MIPOL1: variants seen among roughly 807,000 people sequenced by gnomAD.
The protein encoded by MIPOL1 is mirror-image polydactyly 1, also known as mirror-image polydactyly gene 1 protein.
MIPOL1 carries 57 observed loss-of-function variants against 60.9 expected under a neutral mutation model. The ratio of observed to expected loss-of-function variants is 0.94; its 90% CI spans 0.76 to 1.17. The LOEUF is 1.17. Among genes scored for constraint, MIPOL1 ranks in the 50% most tolerant of loss-of-function variants. MIPOL1 has a pLI of 0.00. For missense variants in MIPOL1, 551 were observed against 511.6 expected (o/e 1.08, Z -0.74); for synonymous variants, 179 against 168.8 (o/e 1.06, Z -0.47).
chr14:37,509,713 A>G (rs1478482108), intron 12 of MIPOL1, among the ~76,000 whole-genome samples: 1 of 141,910 alleles, frequency 7.0e-6, no homozygotes, highest in Non-Finnish European at 1.5e-5. Flanking sequence ...ATGTATGTTT[A>G]TGTACGTTTA....
chr14:37,508,112 G>C (rs772435000), intron 12 of MIPOL1, among the ~76,000 whole-genome samples: 1 of 152,034 alleles, frequency 6.6e-6, no homozygotes, highest in Non-Finnish European at 1.5e-5. Flanking sequence ...ATAAGACTTC[G>C]TAAGATGGTA....
chr14:37,365,249 A>G (rs546385158), intron 9 of MIPOL1, among the ~76,000 whole-genome samples: 221 of 152,250 alleles, frequency 1.5e-3, no homozygotes, highest in Middle Eastern at 0.01. Context: ...ACTATGTTGA[A>G]TAACAGTGGT....
chr14:37,363,061 C>G (rs2092335977), intron 9 of MIPOL1, among the ~76,000 whole-genome samples: 2 of 152,118 alleles, frequency 1.3e-5, no homozygotes, highest in African/African-American at 4.8e-5. Flanking sequence ...GAACATGCTT[C>G]TTTAGCTTGG....
At chr14:37,331,440 T>G (rs753493516) in intron 9 of MIPOL1, among the ~76,000 whole-genome samples, 1 of 152,074 alleles carries the variant, frequency 6.6e-6, no homozygotes, top group Non-Finnish European at 1.5e-5. Flanking sequence ...CTCTTCAGTT[T>G]CTTTCATCAG....
chr14:37,318,064 T>G (rs907982420), intron 9 of MIPOL1, among the ~76,000 whole-genome samples: 1 of 152,198 alleles, frequency 6.6e-6, no homozygotes, highest in Admixed American at 6.5e-5. Flanking sequence ...ATTTGGCGTC[T>G]GCATGACCAG....
At chr14:37,199,446 A>T (rs2139039671) in intron 1 of MIPOL1, among the ~76,000 whole-genome samples, 1 of 152,040 alleles carries the variant, frequency 6.6e-6, no homozygotes. Flanking sequence ...TATGTATAGT[A>T]TTTCTAGTTT....
chr14:37,295,159 TA>T (rs2085514564), intron 7 of MIPOL1, among the ~76,000 whole-genome samples: 1 of 152,134 alleles, frequency 6.6e-6, no homozygotes, highest in South Asian at 2.1e-4. Context: ...TCAACATTCT[TA>T]AAGAAAAGAA....
chr14:37,495,017 G>C (rs898201798), intron 11 of MIPOL1, among the ~76,000 whole-genome samples: 1 of 151,746 alleles, frequency 6.6e-6, no homozygotes, highest in Non-Finnish European at 1.5e-5. Flanking sequence ...ACTAGAAAGT[G>C]AGGAGTGATT....
chr14:37,512,791 C>T (rs1246225379), intron 12 of MIPOL1, among the ~76,000 whole-genome samples: 1 of 152,076 alleles, frequency 6.6e-6, no homozygotes, highest in East Asian at 1.9e-4. Flanking sequence ...TTCCTTAACT[C>T]AGCAGAAGGT....
chr14:37,279,920 G>T (rs553105249), intron 6 of MIPOL1, among the ~76,000 whole-genome samples: 3 of 151,994 alleles, frequency 2.0e-5, no homozygotes, highest in Non-Finnish European at 4.4e-5. Flanking sequence ...TGTATTTTTT[G>T]ACCAATATCT....
chr14:37,270,640 CCTT>C, intron 6 of MIPOL1, 115 bp downstream of exon 6: 1 of 258,990 alleles, frequency 3.9e-6, no homozygotes. Flanking sequence ...GGGAAGCTCT[CCTT>C]TTTTTTTTTT....
chr14:37,262,907 A>G (rs958500158), intron 3 of MIPOL1, among the ~76,000 whole-genome samples: 8 of 152,124 alleles, frequency 5.3e-5, no homozygotes, highest in African/African-American at 1.9e-4. Context: ...AGTTGTCACA[A>G]ACTATTTACA....
At chr14:37,476,136 C>T (rs1168489742) in intron 11 of MIPOL1, among the ~76,000 whole-genome samples, 1 of 152,028 alleles carries the variant, frequency 6.6e-6, no homozygotes, top group African/African-American at 2.4e-5. Flanking sequence ...TGGATGTATA[C>T]CTAAGTATTT....
At chr14:37,233,983 A>G (rs954294888) in intron 1 of MIPOL1, among the ~76,000 whole-genome samples, 10 of 152,176 alleles carry the variant, frequency 6.6e-5, no homozygotes, top group African/African-American at 2.4e-4. Flanking sequence ...CTTGGTCTTC[A>G]GGATCATACT....
chr14:37,435,497 G>A (rs980906881), intron 11 of MIPOL1, among the ~76,000 whole-genome samples: 1 of 151,724 alleles, frequency 6.6e-6, no homozygotes, highest in African/African-American at 2.4e-5. Context: ...TACTGTATTA[G>A]TGGATTGTCC....
chr14:37,446,187 T>C (rs900618767), intron 11 of MIPOL1, among the ~76,000 whole-genome samples: 2 of 152,170 alleles, frequency 1.3e-5, no homozygotes, highest in African/African-American at 4.8e-5. Context: ...GACAAAGGGC[T>C]GATATCCAGA....
chr14:37,511,756 T>C (rs1241415348), intron 12 of MIPOL1, among the ~76,000 whole-genome samples: 1 of 152,192 alleles, frequency 6.6e-6, no homozygotes, highest in East Asian at 1.9e-4. Context: ...GTTAGAACTC[T>C]TAAAGATCTG....
At position 37,347,806 on chromosome 14, in the gene MIPOL1, AT is replaced by A. The variant is rs1399242025; in HGVS notation, c.829-21708del. On this transcript the variant is annotated intron_variant, in intron 9 of 12. Transcript: ENST00000684589. ...ATCTTCAAAGTGCCAAAGAAGTACCATTTATCATAGCAGTTCTATCCAGTAA... is the reference window on the plus strand; with the variant it reads ...ATCTTCAAAGTGCCAAAGAAGTACCATTATCATAGCAGTTCTATCCAGTAA... Among the ~76,000 whole-genome samples the A allele has an allele frequency of 4.6e-5, 7 of 152,360 alleles. No homozygotes were observed. In the East Asian group the frequency reaches 1.3e-3, roughly 29 times the overall value.
chr14:37,355,436 G>C (rs2091739479), intron 9 of MIPOL1, among the ~76,000 whole-genome samples: 1 of 149,906 alleles, frequency 6.7e-6, no homozygotes, highest in African/African-American at 2.5e-5. Flanking sequence ...TGTATTTCCT[G>C]AATCTGAACG....
Sources: allele counts gnomAD v4.1 joint callset (sites outside exome capture counted in the v4.1 genomes callset), GRCh38; gene constraint gnomAD v4.1.1; transcripts MANE v1.5; gene names NCBI Gene and HGNC (gene_info 2026-07-23, HGNC 2026-07-21).